PRXL2A: variants seen among roughly 807,000 people sequenced by gnomAD.
The protein encoded by PRXL2A is peroxiredoxin like 2A.
In PRXL2A, 26 loss-of-function variants were observed where a neutral mutation model predicts 25.6. The observed-to-expected ratio is 1.02, with a 90% CI of 0.74 to 1.41. The LOEUF is 1.41. Ranked by LOEUF, PRXL2A falls within the 40% of genes most tolerant of loss-of-function variation. The probability of loss-of-function intolerance (pLI) is 0.00; values close to 1 mark genes in which losing one functional copy is unlikely to be tolerated. For synonymous variants in PRXL2A, 98 were observed against 102.9 expected (o/e 0.95, Z 0.29); for missense variants, 246 against 273.9 (o/e 0.90, Z 0.72).
chr10:80,426,908 C>A (rs1378440636), intron 4 of PRXL2A, among the ~76,000 whole-genome samples: 5 of 151,988 alleles, frequency 3.3e-5, no homozygotes, highest in Non-Finnish European at 7.4e-5. Context: ...CTTTGGGAGG[C>A]CGAGGTGGGC....
intron 5 of PRXL2A, among the ~76,000 whole-genome samples, chr10:80,429,146 AAGCTCACGCCT>A (rs1845148006): frequency 6.6e-6 from 1 of 151,818 alleles, no homozygotes; most frequent in Non-Finnish European, 1.5e-5. Context: ...CTGGGATTAC[AAGCTCACGCCT>A]GGCCTGAGCT....
chr10:80,430,242 C>G (rs988095078), intron 5 of PRXL2A, among the ~76,000 whole-genome samples: 1 of 151,956 alleles, frequency 6.6e-6, no homozygotes, highest in East Asian at 1.9e-4. Context: ...GCTGGGATTA[C>G]AGGTACCCGC....
chr10:80,413,822 C>A, intron 1 of PRXL2A: 2 of 1,128,726 alleles, frequency 1.8e-6, no homozygotes, highest in Non-Finnish European at 2.2e-6. Context: ...CCCGTCTGCT[C>A]ACCCCTGGAT....
chr10:80,428,965 GA>G (rs1589214923), intron 5 of PRXL2A, among the ~76,000 whole-genome samples: 3 of 151,820 alleles, frequency 2.0e-5, no homozygotes, highest in Admixed American at 1.3e-4. Context: ...GCAGTGGTGC[GA>G]TCTCGGCTCA....
intron 1 of PRXL2A, chr10:80,413,851 A>G (rs1209724978): frequency 8.3e-7 from 1 of 1,210,560 alleles, no homozygotes; most frequent in South Asian, 1.5e-5. Context: ...TTGTCAAGAG[A>G]AGCAGAGGTG....
chr10:80,417,231 C>A (rs1459708936), intron 1 of PRXL2A, among the ~76,000 whole-genome samples: 1 of 152,214 alleles, frequency 6.6e-6, no homozygotes, highest in African/African-American at 2.4e-5. Flanking sequence ...GGCTCTAAAT[C>A]TTTCATTATA....
chr10:80,424,903 A>T (rs1345374878), intron 3 of PRXL2A, among the ~76,000 whole-genome samples: 1 of 152,188 alleles, frequency 6.6e-6, no homozygotes, highest in African/African-American at 2.4e-5. Flanking sequence ...TATCACAAAA[A>T]GGTGGTTTTT....
Position 80,420,736 on chromosome 10 carries a change from T to C in PRXL2A, c.178+91T>C, listed in dbSNP as rs540986520. 9 of 1,019,052 alleles carry C rather than the reference T, an allele frequency of 8.8e-6. No homozygotes were observed. The African/African-American group carries it at 1.5e-4, about 17-fold the overall frequency. The allele number at this position is 1,019,052 out of a possible 1,614,324, so 63.1% of individuals were successfully genotyped here. A position where few individuals can be genotyped will look rare whatever the true frequency, so the allele number is the denominator to read the frequency against. Reference sequence around the variant, plus strand: ...TTTCTAAACTCTCTCCTTTTTTTAATTGAAAAGATAATATAACAACATTAG... The same window carrying C: ...TTTCTAAACTCTCTCCTTTTTTTAACTGAAAAGATAATATAACAACATTAG... On this transcript the variant is annotated intron_variant, in intron 2 of 5. Transcript: ENST00000606162.
chr10:80,421,122 C>T (rs1296933191), intron 2 of PRXL2A, among the ~76,000 whole-genome samples: 1 of 152,200 alleles, frequency 6.6e-6, no homozygotes, highest in African/African-American at 2.4e-5. Flanking sequence ...TGATGCTCAG[C>T]ACAGACATAT....
chr10:80,430,740 C>T (rs562668499), intron 5 of PRXL2A, among the ~76,000 whole-genome samples: 31 of 152,274 alleles, frequency 2.0e-4, no homozygotes, highest in Admixed American at 5.2e-4. Context: ...GCTCAGCCAC[C>T]GTGGAAAATC....
At chr10:80,422,342 G>A in intron 2 of PRXL2A, 75 bp from the exon 3 acceptor site, 3 of 1,214,428 alleles carry the variant, frequency 2.5e-6, no homozygotes, top group East Asian at 2.3e-5. Flanking sequence ...GCTGGACTTA[G>A]TGTGGTTCAT....
chr10:80,416,555 G>C (rs1245447267), intron 1 of PRXL2A, among the ~76,000 whole-genome samples: 1 of 152,186 alleles, frequency 6.6e-6, no homozygotes, highest in Admixed American at 6.5e-5. Context: ...AGAGGCCTCT[G>C]AGTTGTGAAG....
intron 1 of PRXL2A, among the ~76,000 whole-genome samples, chr10:80,410,791 A>T (rs1348763425): frequency 1.3e-5 from 2 of 152,188 alleles, no homozygotes; most frequent in African/African-American, 4.8e-5. Flanking sequence ...ATATAACTTG[A>T]TGAAGCCGGA....
chr10:80,426,694 C>G (rs1408316111), intron 4 of PRXL2A, among the ~76,000 whole-genome samples: 1 of 152,194 alleles, frequency 6.6e-6, no homozygotes, highest in African/African-American at 2.4e-5. Flanking sequence ...TCTGCTCCCA[C>G]CTCTGCAGAA....
Position 80,422,426 on chromosome 10 carries a change from C to T in PRXL2A, c.188C>T (p.Thr63Ile). The change falls in exon 3 of 6, where the codon ACT (threonine) becomes ATT (isoleucine). Residue 63 changes from threonine to isoleucine, a missense_variant. Thr to Ile is a moderately conservative substitution (Grantham distance 89). Coordinates refer to ENST00000606162, the MANE Select transcript of PRXL2A (RefSeq NM_032333.5). ...TTTTTTCCTCTCTTAGAACCAAGGACTTTCAAAGCAAAGGAGCTATGGGAA... is the reference window on the plus strand; with the variant it reads ...TTTTTTCCTCTCTTAGAACCAAGGATTTTCAAAGCAAAGGAGCTATGGGAA... ...DLKTLEKEPR[T>I]FKAKELWEKN... is the part of the protein sequence containing the mutation. The T allele has an allele frequency of 1.9e-6, 3 of 1,613,734 alleles. No individual in the cohort carries two copies. Among genetic ancestry groups the T allele is most frequent in the Non-Finnish European group, 2.5e-6 (3 of 1,179,700 alleles).
chr10:80,422,909 G>A (rs1844920797), intron 3 of PRXL2A, among the ~76,000 whole-genome samples: 1 of 152,202 alleles, frequency 6.6e-6, no homozygotes, highest in African/African-American at 2.4e-5. Flanking sequence ...TGAAGCTGCA[G>A]TGTCGGAGGA....
intron 1 of PRXL2A, 35 bp from the exon 2 acceptor site, chr10:80,420,431 G>A: frequency 6.6e-7 from 1 of 1,524,840 alleles, no homozygotes; most frequent in Non-Finnish European, 8.8e-7. Flanking sequence ...CCCTGTGGGA[G>A]CAGTAACGCC....
At chr10:80,429,986 C>G (rs544288273) in intron 5 of PRXL2A, among the ~76,000 whole-genome samples, 5 of 152,030 alleles carry the variant, frequency 3.3e-5, no homozygotes, top group Non-Finnish European at 5.9e-5. Flanking sequence ...GGCCTTCATT[C>G]TCCTAGGCGG....
At chr10:80,431,848 G>T in intron 5 of PRXL2A, 138 bp from the exon 6 acceptor site, 1 of 672,530 alleles carries the variant, frequency 1.5e-6, no homozygotes, top group South Asian at 1.7e-5. Flanking sequence ...ACTCCTTGAG[G>T]GCAGGAGCCA....
Sources: gnomAD v4.1 joint callset for allele counts (sites outside exome capture counted in the v4.1 genomes callset) on GRCh38, gnomAD v4.1.1 for gene constraint, MANE v1.5 for transcripts, NCBI Gene and HGNC (gene_info 2026-07-23, HGNC 2026-07-21) for gene names.